The following OSBPL9 variants were observed in gnomAD, a reference collection of about 807,000 sequenced individuals.
OSBPL9 encodes oxysterol-binding protein-related protein 9.
OSBPL9 carries 40 observed loss-of-function variants against 106.6 expected under a neutral mutation model. The ratio of observed to expected loss-of-function variants is 0.38; its 90% CI spans 0.29 to 0.49. OSBPL9 has a LOEUF of 0.49. OSBPL9 is among the 20% of genes least tolerant of loss of function. The pLI is 0.97. For missense variants in OSBPL9, 609 were observed against 887.2 expected (o/e 0.69, Z 3.98); for synonymous variants, 269 against 295.4 (o/e 0.91, Z 0.92).
intron 15 of OSBPL9, among the ~76,000 whole-genome samples, chr1:51,779,182 TCAAG>T (rs1418433512): frequency 6.6e-6 from 1 of 152,154 alleles, no homozygotes; most frequent in African/African-American, 2.4e-5. Flanking sequence ...TGTCAAATCC[TCAAG>T]CAAAACACTA....
chr1:51,783,621 G>A (rs1025162252), intron 17 of OSBPL9, among the ~76,000 whole-genome samples: 1 of 152,232 alleles, frequency 6.6e-6, no homozygotes, highest in African/African-American at 2.4e-5. Context: ...CTGGGCCTAG[G>A]TTGGGGCTGG....
chr1:51,716,331 A>G (rs1661046196), intron 4 of OSBPL9, among the ~76,000 whole-genome samples: 1 of 152,234 alleles, frequency 6.6e-6, no homozygotes, highest in Non-Finnish European at 1.5e-5. Context: ...TTTGTATCCC[A>G]GAGCCCACCA....
At chr1:51,710,699 C>G (rs1659616135) in intron 3 of OSBPL9, among the ~76,000 whole-genome samples, 1 of 152,178 alleles carries the variant, frequency 6.6e-6, no homozygotes, top group Admixed American at 6.5e-5. Flanking sequence ...CTATTGTCTC[C>G]TGGTTCTCAT....
At chr1:51,569,473 G>A in the OSBPL9 span, 1 of 152,174 alleles carries the variant, frequency 6.6e-6, no homozygotes, top group Non-Finnish European at 1.5e-5. Context: ...AAGTGAATCT[G>A]AGCGTTTTCA....
chr1:51,772,240 T>TGGTGG, intron 13 of OSBPL9, 58 bp downstream of exon 13: 1 of 1,382,656 alleles, frequency 7.2e-7, no homozygotes, highest in Non-Finnish European at 1.0e-6. Flanking sequence ...TGGCCAGATG[T>TGGTGG]GGTGGCTCAT....
intron 3 of OSBPL9, among the ~76,000 whole-genome samples, chr1:51,692,921 T>G (rs1171531046): frequency 6.6e-6 from 1 of 152,158 alleles, no homozygotes; most frequent in Non-Finnish European, 1.5e-5. Context: ...TAGTGCAGGA[T>G]AATGGGAATT....
intron 12 of OSBPL9, among the ~76,000 whole-genome samples, chr1:51,769,702 C>A (rs984194042): frequency 6.6e-6 from 1 of 152,134 alleles, no homozygotes; most frequent in African/African-American, 2.4e-5. Context: ...TTCTTTATAT[C>A]ATTTGTTCTG....
chr1:51,628,966 C>T (rs76880393), intron 1 of OSBPL9, among the ~76,000 whole-genome samples: 4,786 of 152,230 alleles, frequency 0.031, 150 homozygotes, highest in Middle Eastern at 0.088. Context: ...GCCTGAGCTA[C>T]CATGCCCGGC....
At chr1:51,548,274 T>G in the OSBPL9 span, among the ~76,000 whole-genome samples, 1 of 152,154 alleles carries the variant, frequency 6.6e-6, no homozygotes, top group African/African-American at 2.4e-5. Flanking sequence ...TTTATTTTGA[T>G]TTTTTATAGA....
intron 10 of OSBPL9, among the ~76,000 whole-genome samples, chr1:51,761,451 A>G (rs1671486546): frequency 6.6e-6 from 1 of 152,206 alleles, no homozygotes; most frequent in African/African-American, 2.4e-5. Context: ...AGTACTAGTA[A>G]GTATGTGAAA....
chr1:51,617,317 C>T lies in OSBPL9; in HGVS notation c.111+96C>T, dbSNP rs1644106662. ...GTTTTAGGTGGCTGAGTTGAGGTTG[C>T]TAGTCTGGGGGTGCCGCCGTACGCG... is the stretch of plus-strand genomic sequence containing the variant. On this transcript the variant is annotated intron_variant, in intron 1 of 23. Transcript: ENST00000428468. 9 of 1,294,052 alleles carry T rather than the reference C, an allele frequency of 7.0e-6. No individual in the cohort carries two copies. The South Asian group carries it at 1.0e-4, about 15-fold the overall frequency. 80.2% of individuals were successfully genotyped at this position (1,294,052 alleles called of 1,614,324 possible). A position where few individuals can be genotyped will look rare whatever the true frequency, so the allele number is the denominator to read the frequency against.
In OSBPL9 at chr1:51,729,960, C is replaced by CG. The variant is rs752673449; in HGVS notation, c.319-15571dup. 6.6e-5 allele frequency: 87 copies of CG among 1,316,224 alleles called. No individual in the cohort carries two copies. Among genetic ancestry groups the CG allele is most frequent in the Non-Finnish European group, 7.4e-5 (76 of 1,024,830 alleles). The allele number at this position is 1,316,224 out of a possible 1,614,324, so 81.5% of individuals were successfully genotyped here. ...CTACCTCCCCTGGAGGCACAGAGGG[C>CG]GGGGGCCTTGGCGAATGGCTTTCTT... is the stretch of plus-strand genomic sequence containing the variant. On this transcript the variant is annotated intron_variant, in intron 4 of 23. Coordinates refer to ENST00000428468, the MANE Select transcript of OSBPL9 (RefSeq NM_024586.6). This position sits in a 1 kb window ranked among gnomAD's most constrained non-coding sequence, Gnocchi z 5.1.
At chr1:51,585,584 T>C (rs770337571) in intron 1 of OSBPL9, among the ~76,000 whole-genome samples, 18 of 152,256 alleles carry the variant, frequency 1.2e-4, no homozygotes, top group Non-Finnish European at 5.9e-5. Context: ...GAGACCAGCC[T>C]GACCAACATG....
At position 51,729,983 on chromosome 1, in the gene OSBPL9, C is replaced by T; in HGVS notation, c.319-15553C>T. On this transcript the variant is annotated intron_variant, in intron 4 of 23. Transcript: ENST00000428468. The surrounding 1 kb of genome is among the most constrained non-coding windows in gnomAD (Gnocchi z 5.1). ...GGCGGGGGCCTTGGCGAATGGCTTT[C>T]TTGCTGGCCACTTGCGGAGTGAGTA... 1 of 1,317,188 alleles carries T rather than the reference C, an allele frequency of 7.6e-7. No individual in the cohort carries two copies. 81.6% of individuals were successfully genotyped at this position (1,317,188 alleles called of 1,614,324 possible).
intron 1 of OSBPL9, among the ~76,000 whole-genome samples, chr1:51,628,138 T>C (rs1644881268): frequency 6.6e-6 from 1 of 152,016 alleles, no homozygotes; most frequent in Non-Finnish European, 1.5e-5. Context: ...GTGAAAGGTC[T>C]ATACAGTAGA....
chr1:51,606,176 A>T (rs1643947616), intron 2 of OSBPL9, among the ~76,000 whole-genome samples: 1 of 152,230 alleles, frequency 6.6e-6, no homozygotes, highest in African/African-American at 2.4e-5. Flanking sequence ...AGTTAGTAGC[A>T]GTGGACATGG....
At chr1:51,576,083 A>C (rs1343403557), upstream of OSBPL9, among the ~76,000 whole-genome samples, 1 of 152,244 alleles carries the variant, frequency 6.6e-6, no homozygotes, top group African/African-American at 2.4e-5. Context: ...CCCATGTCAC[A>C]TAAAACTTAC....
intron 8 of OSBPL9, among the ~76,000 whole-genome samples, chr1:51,753,016 G>A (rs539680295): frequency 6.6e-6 from 1 of 152,170 alleles, no homozygotes; most frequent in East Asian, 1.9e-4. Context: ...CTGAATTACT[G>A]AGTGATTTTT....
At chr1:51,546,342 A>G in the OSBPL9 span, among the ~76,000 whole-genome samples, 1 of 152,134 alleles carries the variant, frequency 6.6e-6, no homozygotes, top group East Asian at 1.9e-4. Flanking sequence ...TGATGAATAT[A>G]ATGACATTAA....
Sources: allele counts gnomAD v4.1 joint callset (sites outside exome capture counted in the v4.1 genomes callset), GRCh38; gene constraint gnomAD v4.1.1; non-coding constraint Gnocchi (gnomAD v3.1); transcripts MANE v1.5; gene names NCBI Gene and HGNC (gene_info 2026-07-23, HGNC 2026-07-21).